Variants in AP2B1 observed in about 807,000 individuals in gnomAD.
AP2B1 encodes the protein AP-2 complex subunit beta.
Under a neutral mutation model 102.0 loss-of-function variants are expected in AP2B1, and 23 were observed. The observed-to-expected ratio is 0.23, with a 90% CI of 0.16 to 0.32. The LOEUF is 0.32. Ranked by LOEUF, AP2B1 falls within the 10% of genes least tolerant of loss-of-function variation. The pLI, the probability that AP2B1 is intolerant of heterozygous loss-of-function variation, is 1.00. For missense variants in AP2B1, 541 were observed against 1,157.4 expected, an observed-to-expected ratio of 0.47 and a Z score of 7.73; for synonymous variants, 381 against 421.2, an observed-to-expected ratio of 0.90 and a Z score of 1.17.
At chr17:35,595,570 G>T (rs2073242067) in intron 2 of AP2B1, among the ~76,000 whole-genome samples, 1 of 151,940 alleles carries the variant, frequency 6.6e-6, no homozygotes, top group Non-Finnish European at 1.5e-5. Context: ...TAAAAAGAAA[G>T]CTCCCCAGAT....
At chr17:35,710,447 T>C (rs2076423214) in intron 20 of AP2B1, 127 bp downstream of exon 20, 1 of 649,638 alleles carries the variant, frequency 1.5e-6, no homozygotes, top group Non-Finnish European at 2.7e-6. Flanking sequence ...TGGGTATATA[T>C]GGTAGATGCA....
intron 13 of AP2B1, among the ~76,000 whole-genome samples, chr17:35,652,416 G>A (rs2075110091): frequency 6.6e-6 from 1 of 152,088 alleles, no homozygotes; most frequent in Non-Finnish European, 1.5e-5. Context: ...ATCTTCTAGA[G>A]GTTTAAAAAT....
At chr17:35,608,959 T>A (rs1228844512) in intron 5 of AP2B1, among the ~76,000 whole-genome samples, 1 of 152,194 alleles carries the variant, frequency 6.6e-6, no homozygotes, top group Non-Finnish European at 1.5e-5. Flanking sequence ...AAGTCCCAAG[T>A]GATATGTTTG....
At chr17:35,629,346 CTT>C (rs1477778577) in intron 9 of AP2B1, among the ~76,000 whole-genome samples, 1 of 152,040 alleles carries the variant, frequency 6.6e-6, no homozygotes, top group African/African-American at 2.4e-5. Context: ...AATCTGTAAA[CTT>C]TCTTTTGTCT....
Position 35,682,707 on chromosome 17 carries a change from C to G in AP2B1, c.2337C>G (p.Ile779Met), listed in dbSNP as rs948626862. 1 of 1,610,538 alleles carries G rather than the reference C, an allele frequency of 6.2e-7. No homozygotes were observed. The highest frequency in any genetic ancestry group is 1.3e-5 in the African/African-American group (1 of 74,852). The change falls in exon 18 of 22, where the codon ATC (isoleucine) becomes ATG (methionine). Residue 779 changes from isoleucine (I) to methionine (M), a missense_variant. Transcript: ENST00000610402. Reference protein sequence around the residue: ...IQFNKNSFGVIPSTPLAIHTP... With the variant: ...IQFNKNSFGVMPSTPLAIHTP... ...TCCTCTCTTCTAGCTTTGGTGTCAT[C>G]CCCAGCACTCCTCTGGCCATCCATA...
chr17:35,621,058 T>G (rs1351640288), intron 5 of AP2B1, among the ~76,000 whole-genome samples: 1 of 152,162 alleles, frequency 6.6e-6, no homozygotes. Flanking sequence ...GATTTGTTCT[T>G]TTGTGATATT....
chr17:35,686,320 A>T (rs2075930017), intron 18 of AP2B1, among the ~76,000 whole-genome samples: 1 of 152,202 alleles, frequency 6.6e-6, no homozygotes, highest in Admixed American at 6.5e-5. Context: ...CAGAAACCTT[A>T]ATAAGTGTCT....
intron 14 of AP2B1, among the ~76,000 whole-genome samples, chr17:35,660,715 C>T (rs1192404414): frequency 1.3e-5 from 2 of 152,052 alleles, no homozygotes; most frequent in Admixed American, 1.3e-4. Flanking sequence ...AACTCCTGAA[C>T]TCAGGTGATC....
chr17:35,634,811 T>G (rs2074559952), intron 9 of AP2B1, among the ~76,000 whole-genome samples: 1 of 152,176 alleles, frequency 6.6e-6, no homozygotes, highest in African/African-American at 2.4e-5. Flanking sequence ...TTTGGCGATT[T>G]CATTTCAGTA....
chr17:35,721,082 A>G (rs2143014707), intron 21 of AP2B1, among the ~76,000 whole-genome samples: 1 of 152,294 alleles, frequency 6.6e-6, no homozygotes, highest in African/African-American at 2.4e-5. Flanking sequence ...GCACTAATGC[A>G]TGACAGACTG....
At chr17:35,648,133 G>A (rs1003206294) in intron 12 of AP2B1, among the ~76,000 whole-genome samples, 15 of 152,160 alleles carry the variant, frequency 9.9e-5, no homozygotes, top group South Asian at 6.2e-4. Flanking sequence ...GGAACAACTC[G>A]TGCATAAATA....
intron 20 of AP2B1, among the ~76,000 whole-genome samples, chr17:35,715,581 C>T (rs2076535835): frequency 6.6e-6 from 1 of 152,220 alleles, no homozygotes; most frequent in African/African-American, 2.4e-5. Flanking sequence ...TGTCAAAAGG[C>T]ATTAGCCAAA....
At chr17:35,661,260 C>T (rs2075352851) in intron 14 of AP2B1, among the ~76,000 whole-genome samples, 1 of 152,098 alleles carries the variant, frequency 6.6e-6, no homozygotes, top group South Asian at 2.1e-4. Flanking sequence ...ACTATCAATA[C>T]TTGAGTCCAG....
chr17:35,677,854 T>C (rs2075734125), intron 17 of AP2B1, among the ~76,000 whole-genome samples: 2 of 118,376 alleles, frequency 1.7e-5, no homozygotes, highest in South Asian at 5.5e-4. Context: ...GATGTTATAG[T>C]AAATAGTTTT....
chr17:35,709,313 G>A lies in AP2B1; in HGVS notation c.2539+5G>A. ...TTGTAGAAGATGGCAAAATGGGTAA[G>A]TACCTTCCTGCCTGTCCTGCTGAAT... On this transcript the variant is annotated splice_donor_5th_base_variant and intron_variant, in intron 19 of 21. Coordinates refer to ENST00000610402, the MANE Select transcript of AP2B1 (RefSeq NM_001030006.2). 1 of 1,611,140 alleles carries A rather than the reference G, an allele frequency of 6.2e-7. No individual in the cohort carries two copies.
chr17:35,679,125 C>T (rs1165778447), intron 17 of AP2B1, among the ~76,000 whole-genome samples: 1 of 152,132 alleles, frequency 6.6e-6, no homozygotes, highest in East Asian at 1.9e-4. Flanking sequence ...GCAGGACTAG[C>T]TATTAGTAGA....
intron 17 of AP2B1, among the ~76,000 whole-genome samples, chr17:35,676,846 G>T (rs1416361779): frequency 6.6e-6 from 1 of 152,010 alleles, no homozygotes; most frequent in Non-Finnish European, 1.5e-5. Flanking sequence ...TTGTTTTTGG[G>T]GGGAGAGAGA....
At chr17:35,595,935 A>G (rs2073255979) in intron 2 of AP2B1, among the ~76,000 whole-genome samples, 1 of 152,164 alleles carries the variant, frequency 6.6e-6, no homozygotes, top group Non-Finnish European at 1.5e-5. Flanking sequence ...ATAATTTTAA[A>G]ACTCTCCTAA....
intron 18 of AP2B1, among the ~76,000 whole-genome samples, chr17:35,689,049 T>C (rs587611074): frequency 6.6e-6 from 1 of 152,356 alleles, no homozygotes; most frequent in African/African-American, 2.4e-5. Context: ...CGAGCCCCTG[T>C]GTACCCATCA....
Sources: allele counts gnomAD v4.1 joint callset (sites outside exome capture counted in the v4.1 genomes callset), GRCh38; gene constraint gnomAD v4.1.1; transcripts MANE v1.5; gene names NCBI Gene and HGNC (gene_info 2026-07-23, HGNC 2026-07-21).